DIP2C: variants seen among roughly 807,000 people sequenced by gnomAD.
DIP2C encodes DIP2 acetate--CoA ligase C (putative), also known as disco-interacting protein 2 homolog C.
In DIP2C, 33 loss-of-function variants were observed where a neutral mutation model predicts 192.4. The ratio of observed to expected loss-of-function variants is 0.17; its 90% CI spans 0.13 to 0.23. The LOEUF (loss-of-function observed/expected upper bound fraction) is 0.23. DIP2C is among the 10% of genes least tolerant of loss of function. The pLI is 1.00. For synonymous variants in DIP2C, 979 were observed against 864.1 expected (o/e 1.13, Z -2.33); for missense variants, 1,537 against 2,110.1 (o/e 0.73, Z 5.32).
At chr10:370,527 C>T (rs1250901072) in intron 17 of DIP2C, among the ~76,000 whole-genome samples, 1 of 152,246 alleles carries the variant, frequency 6.6e-6, no homozygotes, top group Non-Finnish European at 1.5e-5. Context: ...CTCCCTCAGA[C>T]CCAACTCTCC....
intron 32 of DIP2C, among the ~76,000 whole-genome samples, chr10:300,627 C>G (rs1304934488): frequency 1.4e-4 from 20 of 142,302 alleles, no homozygotes; most frequent in East Asian, 2.1e-4. Flanking sequence ...GGAACCCAGG[C>G]GCGGCCCTGA....
chr10:390,176 G>T (rs1167206268), intron 12 of DIP2C, 83 bp from the exon 13 acceptor site: 74 of 1,584,978 alleles, frequency 4.7e-5, no homozygotes, highest in Non-Finnish European at 6.2e-5. Context: ...CCAAGTCCCT[G>T]AATTTTGGCA....
intron 17 of DIP2C, among the ~76,000 whole-genome samples, chr10:375,078 C>T (rs777929099): frequency 2.6e-5 from 4 of 152,192 alleles, no homozygotes; most frequent in East Asian, 1.9e-4. Flanking sequence ...TACAATACCA[C>T]GATGACGTGC....
chr10:311,348 A>T (rs1166294175), intron 31 of DIP2C, among the ~76,000 whole-genome samples: 1 of 152,266 alleles, frequency 6.6e-6, no homozygotes, highest in African/African-American at 2.4e-5. Context: ...GCACCCCGGG[A>T]AGACAGCGTC....
At chr10:505,996 A>G (rs1404532726) in intron 1 of DIP2C, among the ~76,000 whole-genome samples, 3 of 152,246 alleles carry the variant, frequency 2.0e-5, no homozygotes, top group African/African-American at 7.2e-5. Context: ...CCAGGGGATT[A>G]GGAACGCAGG....
chr10:512,827 T>C (rs1008358580), intron 1 of DIP2C, among the ~76,000 whole-genome samples: 5 of 143,260 alleles, frequency 3.5e-5, no homozygotes, highest in Non-Finnish European at 7.4e-5. Context: ...GGGAGGAGAA[T>C]CACTTCAGCC....
intron 1 of DIP2C, among the ~76,000 whole-genome samples, chr10:609,352 A>G (rs1852901575): frequency 6.6e-6 from 1 of 152,214 alleles, no homozygotes; most frequent in African/African-American, 2.4e-5. Context: ...TCTCAATAGT[A>G]TTTTGTAAAA....
intron 1 of DIP2C, among the ~76,000 whole-genome samples, chr10:564,241 G>A (rs1849352574): frequency 1.3e-5 from 2 of 151,890 alleles, no homozygotes; most frequent in Admixed American, 1.3e-4. Context: ...GGTTGAGGCA[G>A]CAGCGTCTGG....
chr10:450,209 G>A (rs531579896), intron 3 of DIP2C, among the ~76,000 whole-genome samples: 3 of 145,116 alleles, frequency 2.1e-5, no homozygotes, highest in South Asian at 2.3e-4. Context: ...GTCTGGCACC[G>A]TGGCTCACTT....
chr10:382,391 C>A lies in DIP2C; in HGVS notation c.1991+256G>T, dbSNP rs141280609. Among the ~76,000 whole-genome samples the A allele has an allele frequency of 6.6e-5, 10 of 152,284 alleles. No homozygotes were observed. The South Asian group carries it at 1.0e-3, about 16-fold the overall frequency. ...AAGGACACGGTATTACGATTCCATG[C>A]GCCTCTAGACAGTTCCACTTATTAA... On this transcript the variant is annotated intron_variant, in intron 17 of 36. Transcript: ENST00000280886.
chr10:479,745 GACT>G (rs1843449536), intron 2 of DIP2C, among the ~76,000 whole-genome samples: 1 of 152,160 alleles, frequency 6.6e-6, no homozygotes, highest in South Asian at 2.1e-4. Flanking sequence ...CTTGATTAGG[GACT>G]CATACACTGG....
intron 1 of DIP2C, among the ~76,000 whole-genome samples, chr10:518,183 G>C (rs572127234): frequency 1.3e-5 from 2 of 152,238 alleles, no homozygotes; most frequent in Admixed American, 1.3e-4. Context: ...ACCACCCCAA[G>C]GTCATGGCCT....
At chr10:355,070 C>T (rs535987603) in intron 24 of DIP2C, among the ~76,000 whole-genome samples, 1 of 152,050 alleles carries the variant, frequency 6.6e-6, no homozygotes, top group Non-Finnish European at 1.5e-5. Context: ...GATACAGGGA[C>T]CCACAGCAAC....
rs370317363 is a variant in DIP2C at position 364,530 on chromosome 10, C to T, written c.2321G>A (p.Arg774Lys). ...ACCCACGAACCCCAGCAAGCCTGTC[C>T]TTATGAATGGGTATTCACTGATCGG... is the stretch of plus-strand genomic sequence containing the variant. Reference protein sequence around the residue: ...GAPISEYPFIRTGLLGFVGPG... With the variant: ...GAPISEYPFIKTGLLGFVGPG... Residue 774 changes from arginine to lysine, a missense_variant, in exon 20 of 37, where the codon AGG (arginine) becomes AAG (lysine). Physicochemically the swap from Arg to Lys is conservative, Grantham distance 26 (BLOSUM62 2). Transcript: ENST00000280886. The T allele has an allele frequency of 2.7e-5, 43 of 1,614,054 alleles. No homozygotes were observed. Among genetic ancestry groups the T allele is most frequent in the Non-Finnish European group, 3.6e-5 (42 of 1,180,038 alleles).
chr10:302,515 A>C (rs1956100343), intron 32 of DIP2C, among the ~76,000 whole-genome samples: 1 of 152,158 alleles, frequency 6.6e-6, no homozygotes, highest in South Asian at 2.1e-4. Context: ...TGAAACACTG[A>C]GAAGCTGGAG....
At chr10:522,672 T>C (rs1393201121) in intron 1 of DIP2C, among the ~76,000 whole-genome samples, 1 of 152,274 alleles carries the variant, frequency 6.6e-6, no homozygotes, top group East Asian at 1.9e-4. Flanking sequence ...TCTGTGTCTC[T>C]TCTTTGTTGG....
chr10:509,359 C>T (rs1238948009), intron 1 of DIP2C, among the ~76,000 whole-genome samples: 1 of 152,156 alleles, frequency 6.6e-6, no homozygotes, highest in Non-Finnish European at 1.5e-5. Context: ...TGTCCAAGAC[C>T]AGCAACAAGT....
intron 1 of DIP2C, among the ~76,000 whole-genome samples, chr10:493,027 C>A (rs757062877): frequency 6.6e-6 from 1 of 152,220 alleles, no homozygotes; most frequent in East Asian, 1.9e-4. Flanking sequence ...CAGTGTGCCG[C>A]GCGGAGCAGA....
At chr10:592,165 A>T (rs549383418) in intron 1 of DIP2C, among the ~76,000 whole-genome samples, 2 of 151,520 alleles carry the variant, frequency 1.3e-5, no homozygotes, top group South Asian at 2.1e-4. Flanking sequence ...ATTAGGAAGC[A>T]TATTAATATA....
Sources: gnomAD v4.1 joint callset for allele counts (sites outside exome capture counted in the v4.1 genomes callset) on GRCh38, gnomAD v4.1.1 for gene constraint, MANE v1.5 for transcripts, NCBI Gene and HGNC (gene_info 2026-07-23, HGNC 2026-07-21) for gene names.